The following BMPR1A variants were observed in gnomAD, a reference collection of about 807,000 sequenced individuals.
The protein encoded by BMPR1A is bone morphogenetic protein receptor type-1A.
Under a neutral mutation model 66.0 loss-of-function variants are expected in BMPR1A, and 7 were observed. The ratio of observed to expected loss-of-function variants is 0.11; its 90% CI spans 0.06 to 0.20. The LOEUF is 0.20. BMPR1A is among the 10% of genes least tolerant of loss of function. The pLI is 1.00. For missense variants in BMPR1A, 408 were observed against 669.1 expected, an observed-to-expected ratio of 0.61 and a Z score of 4.31; for synonymous variants, 200 against 229.7, an observed-to-expected ratio of 0.87 and a Z score of 1.17.
chr10:86,851,054 G>T (rs2133181067), intron 2 of BMPR1A, among the ~76,000 whole-genome samples: 1 of 152,324 alleles, frequency 6.6e-6, no homozygotes, highest in South Asian at 2.1e-4. Context: ...ATTTTGGAAA[G>T]AAGAGGTTTT....
At chr10:86,910,039 T>G (rs1843455075) in intron 7 of BMPR1A, among the ~76,000 whole-genome samples, 1 of 152,006 alleles carries the variant, frequency 6.6e-6, no homozygotes, top group Admixed American at 6.6e-5. Flanking sequence ...CATCCAAATA[T>G]TACCAGTAGG....
chr10:86,869,476 G>T (rs897527914), intron 2 of BMPR1A, among the ~76,000 whole-genome samples: 1 of 145,178 alleles, frequency 6.9e-6, no homozygotes, highest in Non-Finnish European at 1.5e-5. Context: ...AAAAAAAAAG[G>T]CTGGACGTTG....
chr10:86,907,327 G>A (rs1170398189), intron 7 of BMPR1A, among the ~76,000 whole-genome samples: 1 of 152,174 alleles, frequency 6.6e-6, no homozygotes, highest in Non-Finnish European at 1.5e-5. Context: ...TTATCAAAAA[G>A]AAAACAAATG....
At chr10:86,818,205 G>A (rs1458320728) in intron 1 of BMPR1A, among the ~76,000 whole-genome samples, 7 of 152,136 alleles carry the variant, frequency 4.6e-5, no homozygotes, top group Admixed American at 3.9e-4. Context: ...TTTTAGTAGA[G>A]ACAGGGTTTC....
chr10:86,799,517 TTTC>T (rs1418907565), intron 1 of BMPR1A, among the ~76,000 whole-genome samples: 1 of 136,856 alleles, frequency 7.3e-6, no homozygotes, highest in African/African-American at 2.9e-5. Context: ...TTTCTTTTCT[TTTC>T]TTTTCTTTTC....
intron 1 of BMPR1A, among the ~76,000 whole-genome samples, chr10:86,776,172 T>G (rs982666594): frequency 1.3e-5 from 2 of 152,328 alleles, no homozygotes; most frequent in South Asian, 2.1e-4. Flanking sequence ...GCTATTAACA[T>G]TTTTAGATAT....
intron 2 of BMPR1A, among the ~76,000 whole-genome samples, chr10:86,861,241 G>A (rs928008660): frequency 4.6e-5 from 7 of 152,112 alleles, no homozygotes; most frequent in Non-Finnish European, 7.3e-5. Flanking sequence ...TTCCCAAGGC[G>A]GGGAACTCTT....
chr10:86,823,233 G>C (rs539774104), intron 1 of BMPR1A, among the ~76,000 whole-genome samples: 2 of 152,078 alleles, frequency 1.3e-5, no homozygotes, highest in Non-Finnish European at 1.5e-5. Context: ...TTATTCTCCC[G>C]TATAAACTTC....
At chr10:86,862,079 C>G (rs1842719619) in intron 2 of BMPR1A, among the ~76,000 whole-genome samples, 1 of 152,194 alleles carries the variant, frequency 6.6e-6, no homozygotes, top group South Asian at 2.1e-4. Context: ...CAGACTAACC[C>G]TCCTGGCCTC....
chr10:86,922,248 G>GC (rs1843677162), intron 11 of BMPR1A, among the ~76,000 whole-genome samples: 1 of 152,102 alleles, frequency 6.6e-6, no homozygotes, highest in African/African-American at 2.4e-5. Flanking sequence ...CTTTTTTCTG[G>GC]CTGAATGATA....
chr10:86,845,119 C>G (rs928718793), intron 2 of BMPR1A, among the ~76,000 whole-genome samples: 1 of 152,194 alleles, frequency 6.6e-6, no homozygotes, highest in African/African-American at 2.4e-5. Context: ...TGAATCTTGA[C>G]TTTACCACTT....
At chr10:86,894,559 C>G (rs1162916678) in intron 5 of BMPR1A, among the ~76,000 whole-genome samples, 1 of 152,142 alleles carries the variant, frequency 6.6e-6, no homozygotes, top group East Asian at 1.9e-4. Context: ...AACCAGTGTT[C>G]AACAGGCCCC....
chr10:86,758,683 A>G (rs1391558079), intron 1 of BMPR1A, among the ~76,000 whole-genome samples: 1 of 152,194 alleles, frequency 6.6e-6, no homozygotes, highest in African/African-American at 2.4e-5. Context: ...GTCATTCACA[A>G]TCCATCTCTA....
At chr10:86,795,413 TTTG>T (rs1841693282) in intron 1 of BMPR1A, among the ~76,000 whole-genome samples, 1 of 76,074 alleles carries the variant, frequency 1.3e-5, no homozygotes, top group African/African-American at 5.7e-5. Flanking sequence ...TAAAAAGTGA[TTTG>T]TTTTTTTTTT....
intron 1 of BMPR1A, among the ~76,000 whole-genome samples, chr10:86,762,207 C>T (rs559377572): frequency 6.6e-6 from 1 of 152,182 alleles, no homozygotes; most frequent in Non-Finnish European, 1.5e-5. Flanking sequence ...CTTTTCTGTT[C>T]TTCACTTTTG....
intron 1 of BMPR1A, among the ~76,000 whole-genome samples, chr10:86,826,951 C>A (rs1349882107): frequency 1.3e-5 from 2 of 151,584 alleles, no homozygotes; most frequent in African/African-American, 4.8e-5. Context: ...TTAACCATGT[C>A]TGCTTTAGAT....
chr10:86,926,369 A>ACT lies in BMPR1A; in HGVS notation c.*2652_*2653dup, dbSNP rs2133650243. ...ACCCCATCTCTACTAAAAATAAAAA[A>ACT]CTCAGCCAGGCGTGGTGGCGGGTGC... On this transcript the variant is annotated 3_prime_UTR_variant, in exon 13 of 13. Transcript: ENST00000372037. The ACT allele has an allele frequency of 6.5e-6, 1 of 153,792 alleles. No homozygotes were observed. The highest frequency in any genetic ancestry group is 2.1e-4 in the South Asian group (1 of 4,822). The allele number at this position is 153,792 out of a possible 1,614,324, so 9.5% of individuals were successfully genotyped here. A position where few individuals can be genotyped will look rare whatever the true frequency, so the allele number is the denominator to read the frequency against.
At chr10:86,863,371 T>A (rs1204414604) in intron 2 of BMPR1A, among the ~76,000 whole-genome samples, 5 of 152,222 alleles carry the variant, frequency 3.3e-5, no homozygotes, top group African/African-American at 4.8e-5. Flanking sequence ...TTGCCTTTAT[T>A]CAGAATTGCT....
chr10:86,799,555 G>A (rs28712455), intron 1 of BMPR1A, among the ~76,000 whole-genome samples: 1 of 76,162 alleles, frequency 1.3e-5, no homozygotes, highest in Non-Finnish European at 3.0e-5. Context: ...TTCTTTTTTT[G>A]TTTTCTTTTG....
Sources: gnomAD v4.1 joint callset for allele counts (sites outside exome capture counted in the v4.1 genomes callset) on GRCh38, gnomAD v4.1.1 for gene constraint, MANE v1.5 for transcripts, NCBI Gene and HGNC (gene_info 2026-07-23, HGNC 2026-07-21) for gene names.